The following AKR1C3 variants were observed in gnomAD, a reference collection of about 807,000 sequenced individuals.
AKR1C3 encodes the protein 3-alpha hydroxysteroid dehydrogenase, type II.
A neutral mutation model predicts 43.6 loss-of-function variants in AKR1C3; 48 were observed. That is an observed-to-expected ratio of 1.10 (90% CI 0.87 to 1.40). The LOEUF (loss-of-function observed/expected upper bound fraction) is 1.40. Ranked by LOEUF, AKR1C3 falls within the 40% of genes most tolerant of loss-of-function variation. The pLI, the probability that AKR1C3 is intolerant of heterozygous loss-of-function variation, is 0.00. For missense variants in AKR1C3, 482 were observed against 391.2 expected (o/e 1.23, Z -1.96); for synonymous variants, 162 against 139.6 (o/e 1.16, Z -1.13).
chr10:5,093,870 AAAATC>A (rs1839148903), upstream of AKR1C3: 3 of 152,184 alleles, frequency 2.0e-5, no homozygotes, highest in Admixed American at 2.0e-4. Flanking sequence ...CAAAGAAAGA[AAAATC>A]AAAATAAATT....
intron 4 of AKR1C3, 134 bp from the exon 5 acceptor site, chr10:5,099,193 C>CT: frequency 4.1e-6 from 6 of 1,454,310 alleles, no homozygotes; most frequent in Non-Finnish European, 4.6e-6. Context: ...TTGAATTTTT[C>CT]TTTTTTTGAC....
chr10:5,100,421 CTT>C (rs1839318652), intron 5 of AKR1C3, among the ~76,000 whole-genome samples: 1 of 152,226 alleles, frequency 6.6e-6, no homozygotes, highest in Non-Finnish European at 1.5e-5. Flanking sequence ...TGCTACTTCT[CTT>C]TGGGGTCTGT....
intron 8 of AKR1C3, among the ~76,000 whole-genome samples, chr10:5,106,513 G>C (rs1383247996): frequency 1.3e-5 from 2 of 152,178 alleles, no homozygotes; most frequent in Non-Finnish European, 2.9e-5. Context: ...CACTTTGGGA[G>C]GCTGAGGTGG....
At chr10:5,083,671 T>A (rs1161594650) in intron 1 of AKR1C3, among the ~76,000 whole-genome samples, 1 of 152,174 alleles carries the variant, frequency 6.6e-6, no homozygotes, top group African/African-American at 2.4e-5. Flanking sequence ...CCACAATGGT[T>A]GAACTAGTTT....
At chr10:5,098,436 C>A (rs1292437070) in intron 3 of AKR1C3, among the ~76,000 whole-genome samples, 3 of 152,164 alleles carry the variant, frequency 2.0e-5, no homozygotes, top group Non-Finnish European at 4.4e-5. Flanking sequence ...TCTGATAATC[C>A]TACCGTGTAC....
intron 1 of AKR1C3, among the ~76,000 whole-genome samples, chr10:5,079,911 C>T (rs139720724): frequency 7.5e-4 from 114 of 152,194 alleles, no homozygotes; most frequent in African/African-American, 2.6e-3. Context: ...TTCAGAAGGG[C>T]GAGGAAAGAA....
At chr10:5,084,619 A>C (rs28789986) in intron 1 of AKR1C3, among the ~76,000 whole-genome samples, 30,954 of 151,090 alleles carry the variant, frequency 0.2, 3,418 homozygotes, top group Non-Finnish European at 0.23. Context: ...TGAAGAAAGT[A>C]ATTGGTAGCT....
chr10:5,107,576 G>A lies in AKR1C3; in HGVS notation c.*73G>A, dbSNP rs1231175249. On this transcript the variant is annotated 3_prime_UTR_variant, in exon 9 of 9. Transcript: ENST00000380554. Reference sequence around the variant, plus strand: ...GTGACGCAGAGGACGTCTCTATGCCGGTGACTGGACATATCACCTCTACTT... The same window carrying A: ...GTGACGCAGAGGACGTCTCTATGCCAGTGACTGGACATATCACCTCTACTT... 54 of 1,234,296 alleles carry A rather than the reference G, an allele frequency of 4.4e-5. No individual in the cohort carries two copies. The highest frequency in any genetic ancestry group is 1.1e-4 in the Admixed American group (6 of 54,546). The allele number at this position is 1,234,296 out of a possible 1,614,324, so 76.5% of individuals were successfully genotyped here. A position where few individuals can be genotyped will look rare whatever the true frequency, so the allele number is the denominator to read the frequency against.
chr10:5,097,225 C>T (rs1379054717), intron 2 of AKR1C3, among the ~76,000 whole-genome samples: 1 of 152,030 alleles, frequency 6.6e-6, no homozygotes, highest in Non-Finnish European at 1.5e-5. Flanking sequence ...TCCTATCATT[C>T]AGTAGATGTA....
intron 1 of AKR1C3, among the ~76,000 whole-genome samples, chr10:5,084,090 C>G (rs1221415415): frequency 6.6e-6 from 1 of 152,174 alleles, no homozygotes; most frequent in Non-Finnish European, 1.5e-5. Context: ...AATTAGGTCC[C>G]ATTTGTCAAT....
chr10:5,099,298 A>T (rs782535283), intron 4 of AKR1C3, 29 bp from the exon 5 acceptor site: 7 of 1,613,714 alleles, frequency 4.3e-6, no homozygotes, highest in Middle Eastern at 1.7e-4. Flanking sequence ...AACTGCACAA[A>T]TAATTCCTCA....
intron 1 of AKR1C3, among the ~76,000 whole-genome samples, chr10:5,051,848 T>C (rs190990423): frequency 1.4e-4 from 21 of 152,344 alleles, no homozygotes; most frequent in African/African-American, 4.3e-4. Flanking sequence ...AAATTTGTTT[T>C]CTTTGAAATA....
chr10:5,087,510 T>A (rs1473130890), intron 1 of AKR1C3, among the ~76,000 whole-genome samples: 5 of 151,774 alleles, frequency 3.3e-5, no homozygotes, highest in Non-Finnish European at 7.4e-5. Context: ...GTAGCTGAGA[T>A]TACAGGCACA....
chr10:5,051,868 T>C (rs1554778962), intron 1 of AKR1C3, among the ~76,000 whole-genome samples: 1 of 152,230 alleles, frequency 6.6e-6, no homozygotes, highest in Non-Finnish European at 1.5e-5. Flanking sequence ...AATTCAGTGC[T>C]CTCTTCTAAA....
intron 1 of AKR1C3, among the ~76,000 whole-genome samples, chr10:5,064,283 C>T (rs112840425): frequency 0.039 from 5,894 of 152,050 alleles, 394 homozygotes; most frequent in African/African-American, 0.14. Flanking sequence ...ATGCTGCACA[C>T]CTGCAATCAT....
intron 1 of AKR1C3, 35 bp from the exon 2 acceptor site, chr10:5,096,375 T>C (rs1554785112): frequency 1.2e-6 from 2 of 1,602,712 alleles, no homozygotes; most frequent in Admixed American, 3.4e-5. Context: ...TCAGCCACAG[T>C]GATCACCAGA....
chr10:5,102,278 TCA>T (rs1839373735), intron 6 of AKR1C3, 68 bp downstream of exon 6: 10 of 1,577,356 alleles, frequency 6.3e-6, no homozygotes, highest in Non-Finnish European at 7.8e-6. Flanking sequence ...CAGAGCATCC[TCA>T]GTTTCCTGTA....
intron 7 of AKR1C3, 125 bp downstream of exon 7, chr10:5,102,775 T>C (rs1839389992): frequency 1.3e-6 from 2 of 1,500,008 alleles, no homozygotes; most frequent in Non-Finnish European, 1.8e-6. Flanking sequence ...ATGAATGCTT[T>C]GCGTGCATCC....
At chr10:5,096,662 G>A in intron 2 of AKR1C3, 85 bp downstream of exon 2, 2 of 1,466,224 alleles carry the variant, frequency 1.4e-6, no homozygotes, top group Middle Eastern at 1.8e-4. Flanking sequence ...ATGAGTAGTT[G>A]TGGGTGAATT....
Sources: allele counts gnomAD v4.1 joint callset (sites outside exome capture counted in the v4.1 genomes callset), GRCh38; gene constraint gnomAD v4.1.1; transcripts MANE v1.5; gene names NCBI Gene and HGNC (gene_info 2026-07-23, HGNC 2026-07-21).